Variants in AGGF1 observed in about 807,000 individuals in gnomAD.
AGGF1 encodes angiogenic factor with G-patch and FHA domains 1, also known as angiogenic factor with G patch and FHA domains 1.
Under a neutral mutation model 86.5 loss-of-function variants are expected in AGGF1, and 56 were observed. The observed-to-expected ratio is 0.65, with a 90% CI of 0.52 to 0.81. The LOEUF (loss-of-function observed/expected upper bound fraction) is 0.81. Ranked by LOEUF, AGGF1 falls within the 30% of genes least tolerant of loss-of-function variation. AGGF1 has a pLI of 0.00. For missense variants in AGGF1, 816 were observed against 850.9 expected, an observed-to-expected ratio of 0.96 and a Z score of 0.51; for synonymous variants, 313 against 297.1, an observed-to-expected ratio of 1.05 and a Z score of -0.55.
chr5:77,043,173 G>A (rs866782650), intron 5 of AGGF1, among the ~76,000 whole-genome samples: 1 of 52,772 alleles, frequency 1.9e-5, no homozygotes, highest in African/African-American at 6.4e-5. Flanking sequence ...GCGGCTGGCC[G>A]GGCGGGGGGC....
intron 4 of AGGF1, among the ~76,000 whole-genome samples, chr5:77,039,191 C>G (rs1340514946): frequency 6.6e-6 from 1 of 151,862 alleles, no homozygotes; most frequent in East Asian, 1.9e-4. Flanking sequence ...AGTTTTCATG[C>G]CTTTAAAAGT....
At chr5:77,042,423 G>T (rs1341728477) in intron 5 of AGGF1, among the ~76,000 whole-genome samples, 1 of 131,212 alleles carries the variant, frequency 7.6e-6, no homozygotes, top group Non-Finnish European at 1.7e-5. Context: ...GGACAGGGCG[G>T]CTGGCTGGGC....
In AGGF1 at chr5:77,053,959, C is replaced by T. The variant is rs372663849; in HGVS notation, c.1468-6C>T. On this transcript the variant is annotated splice_polypyrimidine_tract_variant and splice_region_variant and intron_variant, in intron 9 of 13. Coordinates refer to ENST00000312916, the MANE Select transcript of AGGF1 (RefSeq NM_018046.5). ...ATTTCTGTTTTGTAAAATGTTTCCC[C>T]TCTAGCCGAAAACTAAATGTGACCC... 3.1e-6 allele frequency: 5 copies of T among 1,613,860 alleles called. No homozygotes were observed. Among genetic ancestry groups the T allele is most frequent in the South Asian group, 1.1e-5 (1 of 91,080 alleles).
At chr5:77,061,823 T>C (rs1747569214) in intron 13 of AGGF1, 21 bp downstream of exon 13, 1 of 1,589,822 alleles carries the variant, frequency 6.3e-7, no homozygotes, top group African/African-American at 1.3e-5. Flanking sequence ...GATTTTCTTT[T>C]ATTCATTTAT....
chr5:77,038,650 A>G (rs1747006877), intron 4 of AGGF1, among the ~76,000 whole-genome samples: 1 of 152,224 alleles, frequency 6.6e-6, no homozygotes, highest in Non-Finnish European at 1.5e-5. Flanking sequence ...GCATGGATTA[A>G]AGACAATAAA....
At chr5:77,043,610 G>C (rs1226092417) in intron 5 of AGGF1, among the ~76,000 whole-genome samples, 1 of 127,804 alleles carries the variant, frequency 7.8e-6, no homozygotes, top group Admixed American at 7.7e-5. Flanking sequence ...CGGATGGCAC[G>C]GCTGGCCGGG....
Position 77,058,777 on chromosome 5 carries a change from C to T in AGGF1, c.1717-839C>T, listed in dbSNP as rs547564370. Among the ~76,000 whole-genome samples the T allele has an allele frequency of 3.0e-3, 455 of 152,318 alleles. 2 individuals carry two copies. The highest frequency in any genetic ancestry group is 0.01 in the African/African-American group (431 of 41,578). ...TATAACAAAGGGAAAGGGAAGGCTT[C>T]TATGAATGCTGAATTGACTACCCCT... On this transcript the variant is annotated intron_variant, in intron 11 of 13. Transcript: ENST00000312916.
chr5:77,036,558 G>A lies in AGGF1; in HGVS notation c.519G>A (p.Glu173=), dbSNP rs1327475737. 1.2e-6 allele frequency: 2 copies of A among 1,614,024 alleles called. No individual in the cohort carries two copies. Among genetic ancestry groups the A allele is most frequent in the Admixed American group, 3.3e-5 (2 of 60,010 alleles). The change falls in exon 4 of 14, where the codon GAG becomes GAA. Residue 173 remains glutamate (E), a splice_region_variant and synonymous_variant. Transcript: ENST00000312916. ...TGGCATGACTATATCTTTTATAGGA[G>A]CCAGCATCTGCATTAGCAACAGAAG... ...QVDHFASNSQ[E]PASALATEDT...
At chr5:77,041,874 G>A (rs1464065294) in intron 5 of AGGF1, among the ~76,000 whole-genome samples, 1 of 147,998 alleles carries the variant, frequency 6.8e-6, no homozygotes, top group Non-Finnish European at 1.5e-5. Context: ...GGATTTGGCA[G>A]GGTCATGGGA....
intron 5 of AGGF1, among the ~76,000 whole-genome samples, chr5:77,039,923 A>G (rs1400487976): frequency 6.6e-6 from 1 of 152,186 alleles, no homozygotes; most frequent in Admixed American, 6.5e-5. Context: ...TTAAAATTTG[A>G]AGGAGATAGA....
intron 8 of AGGF1, among the ~76,000 whole-genome samples, chr5:77,051,982 A>G (rs1167095228): frequency 6.6e-6 from 1 of 152,232 alleles, no homozygotes; most frequent in Non-Finnish European, 1.5e-5. Flanking sequence ...AAGGAGGGAA[A>G]GATTAGTCCT....
intron 7 of AGGF1, 143 bp downstream of exon 7, chr5:77,048,415 G>A (rs1475364864): frequency 1.5e-5 from 10 of 667,720 alleles, no homozygotes; most frequent in South Asian, 3.8e-5. Flanking sequence ...GCAGTGGCAC[G>A]ATCTCGGCTC....
Position 77,048,875 on chromosome 5 carries a change from C to T in AGGF1, c.1314-61C>T, listed in dbSNP as rs1747320488. ...CATTATCTGTTTTTTAAAATTCTTT[C>T]CATGTCACTTTATATAATATGCTTC... On this transcript the variant is annotated intron_variant, in intron 7 of 13. Transcript: ENST00000312916. 6 of 1,486,890 alleles carry T rather than the reference C, an allele frequency of 4.0e-6. No individual in the cohort carries two copies. The South Asian group carries it at 4.5e-5, about 11-fold the overall frequency. The allele number at this position is 1,486,890 out of a possible 1,614,324, so 92.1% of individuals were successfully genotyped here.
rs1167252041 is a variant in AGGF1, at chr5:77,046,522, A to T, written c.1046A>T (p.Asn349Ile). ...ACTATAGAGTCTCCTCTTCATGAAA[A>T]CATCTCTAATTCAACATCATTTAAA... ...GNTIESPLHE[N>I]ISNSTSFKDE... Residue 349 changes from asparagine (N) to isoleucine (I), a missense_variant, in exon 6 of 14, where the codon AAC (asparagine) becomes ATC (isoleucine). This residue lies in a region of AGGF1 where 565 missense variants were observed against 585.8 expected (regional missense o/e 0.96). Coordinates refer to ENST00000312916, the MANE Select transcript of AGGF1 (RefSeq NM_018046.5). 11 of 1,613,936 alleles carry T rather than the reference A, an allele frequency of 6.8e-6. No homozygotes were observed. The highest frequency in any genetic ancestry group is 7.6e-6 in the Non-Finnish European group (9 of 1,179,972).
rs896638081 is a variant in AGGF1 at position 77,034,603 on chromosome 5, A to G, written c.313+83A>G. The stretch of plus-strand genomic sequence containing the variant: ...TGCGTTTTCTTTTAATTTAAAATAA[A>G]CAAAGATCAAGGTAAATGAGAATTG... On this transcript the variant is annotated intron_variant, in intron 2 of 13. Transcript: ENST00000312916. 3.1e-6 allele frequency: 3 copies of G among 967,888 alleles called. No homozygotes were observed. The African/African-American group carries it at 4.8e-5, about 16-fold the overall frequency. 60.0% of individuals were successfully genotyped at this position (967,888 alleles called of 1,614,324 possible). A position where few individuals can be genotyped will look rare whatever the true frequency, so the allele number is the denominator to read the frequency against.
At position 77,059,710 on chromosome 5, in the gene AGGF1, T is replaced by C. The variant is rs1413770685; in HGVS notation, c.1811T>C (p.Phe604Ser). The change falls in exon 12 of 14, where the codon TTC (phenylalanine) becomes TCC (serine). Residue 604 changes from phenylalanine to serine, a missense_variant. By Grantham distance (155) the Phe-to-Ser change is radical (BLOSUM62 -2). This residue lies in a region of AGGF1 where 565 missense variants were observed against 585.8 expected (regional missense o/e 0.96). Transcript: ENST00000312916. ...GAGCAGGTTGGAAGTGAAGGAACTT[T>C]CCAAAGAGATGATGCTCCTGCATCT... ...RREQVGSEGTFQRDDAPASVH... is the reference protein window; with the variant it reads ...RREQVGSEGTSQRDDAPASVH... 1 of 1,613,892 alleles carries C rather than the reference T, an allele frequency of 6.2e-7. No individual in the cohort carries two copies. The highest frequency in any genetic ancestry group is 1.1e-5 in the South Asian group (1 of 91,076).
chr5:77,046,809 ATGT>A (rs1580130777), intron 6 of AGGF1, 132 bp downstream of exon 6: 12 of 935,580 alleles, frequency 1.3e-5, no homozygotes, highest in Non-Finnish European at 2.0e-5. Context: ...GTTATTGAAA[ATGT>A]TGTGGGTTGC....
intron 1 of AGGF1, among the ~76,000 whole-genome samples, chr5:77,031,723 A>C (rs1746856854): frequency 6.6e-6 from 1 of 151,996 alleles, no homozygotes; most frequent in Non-Finnish European, 1.5e-5. Flanking sequence ...GAAATACAAA[A>C]TTTAGCCGGG....
chr5:77,041,014 C>G (rs2150728867), intron 5 of AGGF1, among the ~76,000 whole-genome samples: 1 of 152,316 alleles, frequency 6.6e-6, no homozygotes, highest in East Asian at 1.9e-4. Flanking sequence ...AGGCGTGAGC[C>G]ACTGTGCCAG....
Sources: gnomAD v4.1 joint callset for allele counts (sites outside exome capture counted in the v4.1 genomes callset) on GRCh38, gnomAD v4.1.1 for gene constraint, gnomAD v4.1.1 regional missense constraint, MANE v1.5 for transcripts, NCBI Gene and HGNC (gene_info 2026-07-23, HGNC 2026-07-21) for gene names.